The following IL1RAPL1 variants were observed in gnomAD, a reference collection of about 807,000 sequenced individuals.
The protein encoded by IL1RAPL1 is interleukin 1 receptor accessory protein like 1, also known as interleukin-1 receptor accessory protein-like 1.
A neutral mutation model predicts 48.4 loss-of-function variants in IL1RAPL1; 3 were observed. That is an observed-to-expected ratio of 0.06 (90% CI 0.03 to 0.16). The LOEUF (loss-of-function observed/expected upper bound fraction) is 0.16. Ranked by LOEUF, IL1RAPL1 falls within the 10% of genes least tolerant of loss-of-function variation. IL1RAPL1 has a pLI of 1.00. For missense variants in IL1RAPL1, 349 were observed against 530.6 expected, an observed-to-expected ratio of 0.66 and a Z score of 3.36; for synonymous variants, 185 against 187.7, an observed-to-expected ratio of 0.99 and a Z score of 0.12.
intron 2 of IL1RAPL1, among the ~76,000 whole-genome samples, chrX:28,970,094 G>A (rs1370796505): frequency 3.6e-5 from 4 of 111,258 alleles, no homozygotes; most frequent in African/African-American, 6.5e-5. Flanking sequence ...TCCACCTCCC[G>A]GGTTCAAGTG....
intron 2 of IL1RAPL1, among the ~76,000 whole-genome samples, chrX:29,180,155 G>A (rs1321976749): frequency 9.1e-6 from 1 of 109,538 alleles, no homozygotes; most frequent in African/African-American, 3.3e-5. Context: ...CATTGAATAA[G>A]CCATGTTACA....
chrX:29,799,433 A>G (rs1051349896), intron 6 of IL1RAPL1, among the ~76,000 whole-genome samples: 3 of 112,079 alleles, frequency 2.7e-5, no homozygotes, highest in Non-Finnish European at 5.6e-5. Flanking sequence ...AATTCATCAG[A>G]ATGCCAATAT....
chrX:29,259,963 A>G (rs905516988), intron 2 of IL1RAPL1, among the ~76,000 whole-genome samples: 1 of 112,149 alleles, frequency 8.9e-6, no homozygotes, highest in African/African-American at 3.2e-5. Context: ...ATGGAACTCC[A>G]GAAGACTGGA....
Position 29,064,836 on chromosome X carries a change from C to T in IL1RAPL1, c.83-218102C>T, listed in dbSNP as rs757042632. Among the ~76,000 whole-genome samples the T allele has an allele frequency of 6.1e-3, 683 of 112,084 alleles. 7 individuals carry two copies. The highest frequency in any genetic ancestry group is 0.021 in the African/African-American group (652 of 30,886). The stretch of plus-strand genomic sequence containing the variant: ...GACCTCCTGTTCCACCTGCCTTGGC[C>T]TCCCACAATGCCGGGATTACAGGCG... On this transcript the variant is annotated intron_variant, in intron 2 of 10. Coordinates refer to ENST00000378993, the MANE Select transcript of IL1RAPL1 (RefSeq NM_014271.4).
intron 2 of IL1RAPL1, among the ~76,000 whole-genome samples, chrX:29,182,437 A>C (rs1438048853): frequency 8.9e-6 from 1 of 112,466 alleles, no homozygotes. Flanking sequence ...CCTTTGTAAA[A>C]TTGCAAAGAA....
intron 2 of IL1RAPL1, among the ~76,000 whole-genome samples, chrX:29,064,650 C>T (rs766108001): frequency 1.3e-4 from 14 of 111,393 alleles, no homozygotes; most frequent in Non-Finnish European, 1.5e-4. Flanking sequence ...GGCGCGATCT[C>T]GGCTCACGGC....
chrX:29,032,359 C>G (rs1042410744), intron 2 of IL1RAPL1, among the ~76,000 whole-genome samples: 16 of 112,276 alleles, frequency 1.4e-4, no homozygotes, highest in Non-Finnish European at 2.4e-4. Flanking sequence ...GCAGCTTCTT[C>G]TGTTCATTTC....
At chrX:29,170,447 G>A (rs773201339) in intron 2 of IL1RAPL1, among the ~76,000 whole-genome samples, 1 of 111,476 alleles carries the variant, frequency 9.0e-6, no homozygotes, top group East Asian at 2.8e-4. Context: ...GAAGATGAAG[G>A]CGAGTATTTG....
At chrX:28,618,919 G>T (rs1388071852) in intron 1 of IL1RAPL1, among the ~76,000 whole-genome samples, 1 of 111,342 alleles carries the variant, frequency 9.0e-6, no homozygotes, top group African/African-American at 3.3e-5. Flanking sequence ...GACTCAGCAA[G>T]AATGTAATCC....
intron 5 of IL1RAPL1, among the ~76,000 whole-genome samples, chrX:29,463,395 A>T (rs1313017466): frequency 2.7e-5 from 3 of 112,036 alleles, no homozygotes; most frequent in Non-Finnish European, 5.6e-5. Flanking sequence ...GTTTACTCAT[A>T]GTGTAGACCA....
intron 6 of IL1RAPL1, among the ~76,000 whole-genome samples, chrX:29,856,917 TAAAC>T (rs1931488659): frequency 9.0e-6 from 1 of 111,688 alleles, no homozygotes; most frequent in African/African-American, 3.2e-5. Flanking sequence ...TAGCTCTACT[TAAAC>T]TAGTATATAT....
At chrX:29,175,005 C>T (rs1332542991) in intron 2 of IL1RAPL1, among the ~76,000 whole-genome samples, 3 of 100,025 alleles carry the variant, frequency 3.0e-5, no homozygotes, top group Non-Finnish European at 5.9e-5. Context: ...ACCCGGGAGG[C>T]GGAGCTTGCA....
chrX:29,495,662 G>A (rs1179326287), intron 5 of IL1RAPL1, among the ~76,000 whole-genome samples: 4 of 111,581 alleles, frequency 3.6e-5, no homozygotes, highest in Admixed American at 9.5e-5. Context: ...GTTGTGCCCT[G>A]TTTACACACT....
chrX:28,595,974 AAC>A (rs1356302699), intron 1 of IL1RAPL1, among the ~76,000 whole-genome samples: 3 of 111,024 alleles, frequency 2.7e-5, no homozygotes, highest in Non-Finnish European at 5.7e-5. Flanking sequence ...GGCCCTTAAT[AAC>A]ACAGCCACAG....
intron 2 of IL1RAPL1, among the ~76,000 whole-genome samples, chrX:28,884,907 T>C (rs1310626298): frequency 8.9e-6 from 1 of 111,878 alleles, no homozygotes; most frequent in Non-Finnish European, 1.9e-5. Context: ...ATCTGTCAAT[T>C]GGTATATAGA....
intron 2 of IL1RAPL1, among the ~76,000 whole-genome samples, chrX:29,152,707 A>G (rs1055356218): frequency 8.9e-6 from 1 of 112,215 alleles, no homozygotes; most frequent in Non-Finnish European, 1.9e-5. Context: ...TGTTCAAAGA[A>G]AACAGAAAAA....
At chrX:28,886,197 A>T (rs1445292150) in intron 2 of IL1RAPL1, among the ~76,000 whole-genome samples, 1 of 109,936 alleles carries the variant, frequency 9.1e-6, no homozygotes, top group African/African-American at 3.3e-5. Context: ...ATTCTTCAAG[A>T]ACTAGAATAT....
chrX:29,210,843 C>G (rs189983008), intron 2 of IL1RAPL1, among the ~76,000 whole-genome samples: 1 of 112,178 alleles, frequency 8.9e-6, no homozygotes, highest in East Asian at 2.8e-4. Flanking sequence ...TTCTTTGACT[C>G]TGTAGAGAAA....
intron 3 of IL1RAPL1, among the ~76,000 whole-genome samples, chrX:29,332,656 T>TA (rs1932899387): frequency 4.3e-5 from 4 of 93,616 alleles, no homozygotes; most frequent in South Asian, 4.1e-4. Flanking sequence ...TTATTTTATT[T>TA]TTTTTTTTTT....
Sources: allele counts gnomAD v4.1 joint callset (sites outside exome capture counted in the v4.1 genomes callset), GRCh38; gene constraint gnomAD v4.1.1; transcripts MANE v1.5; gene names NCBI Gene and HGNC (gene_info 2026-07-23, HGNC 2026-07-21).